The following ZNF383 variants were observed in gnomAD, a reference collection of about 807,000 sequenced individuals.
ZNF383 encodes the protein zinc finger protein 383.
A neutral mutation model predicts 44.2 loss-of-function variants in ZNF383; 32 were observed. That is an observed-to-expected ratio of 0.72 (90% CI 0.55 to 0.97). ZNF383 has a LOEUF of 0.97. Ranked by LOEUF, ZNF383 falls within the 50% of genes least tolerant of loss-of-function variation. The pLI, the probability that ZNF383 is intolerant of heterozygous loss-of-function variation, is 0.00. For synonymous variants in ZNF383, 155 were observed against 186.2 expected, an observed-to-expected ratio of 0.83 and a Z score of 1.36; for missense variants, 487 against 562.5, an observed-to-expected ratio of 0.87 and a Z score of 1.36.
At chr19:37,236,857 C>T (rs573390523) in intron 5 of ZNF383, among the ~76,000 whole-genome samples, 5 of 151,994 alleles carry the variant, frequency 3.3e-5, no homozygotes, top group South Asian at 2.1e-4. Context: ...CATGAGCCAC[C>T]GCGTCCGGCC....
intron 2 of ZNF383, among the ~76,000 whole-genome samples, chr19:37,226,845 A>G (rs1437967358): frequency 6.6e-6 from 1 of 152,188 alleles, no homozygotes; most frequent in African/African-American, 2.4e-5. Context: ...TTTGAGATGT[A>G]GTCTTGCTCT....
chr19:37,230,593 T>G (rs1272015061), intron 3 of ZNF383, 131 bp downstream of exon 3: 1 of 948,216 alleles, frequency 1.1e-6, no homozygotes, highest in East Asian at 2.6e-5. Context: ...TCCCCATTTT[T>G]TCTTAGCTAG....
chr19:37,237,529 T>G (rs1469720837), intron 5 of ZNF383, among the ~76,000 whole-genome samples: 1 of 152,204 alleles, frequency 6.6e-6, no homozygotes, highest in Non-Finnish European at 1.5e-5. Flanking sequence ...CATGAAGGCA[T>G]TCTAAAGTTC....
chr19:37,234,423 C>G (rs1400690250), intron 3 of ZNF383, among the ~76,000 whole-genome samples: 1 of 151,674 alleles, frequency 6.6e-6, no homozygotes, highest in Non-Finnish European at 1.5e-5. Flanking sequence ...GAGTCTTGCT[C>G]TGTTGCCCAG....
Position 37,244,739 on chromosome 19 carries a change from C to T in ZNF383, c.*1075C>T, listed in dbSNP as rs1161246488. On this transcript the variant is annotated 3_prime_UTR_variant, in exon 6 of 6. Transcript: ENST00000684119. ...GCCAAAATCACAAAGCAAAAAATTA[C>T]AAACTAAAAAGCCAAAATTAATTGT... The T allele has an allele frequency of 6.6e-6, 1 of 152,054 alleles. No individual in the cohort carries two copies. The highest frequency in any genetic ancestry group is 6.6e-5 in the Admixed American group (1 of 15,262). The allele number at this position is 152,054 out of a possible 1,614,324, so 9.4% of individuals were successfully genotyped here. A position where few individuals can be genotyped will look rare whatever the true frequency, so the allele number is the denominator to read the frequency against.
In ZNF383 at chr19:37,242,919, G is replaced by A; in HGVS notation, c.683G>A (p.Cys228Tyr). The change falls in exon 6 of 6, where the codon TGT becomes TAT. Residue 228 changes from cysteine to tyrosine, a missense_variant. By Grantham distance (194) the Cys-to-Tyr change is radical. Coordinates refer to ENST00000684119, the MANE Select transcript of ZNF383 (RefSeq NM_001387601.1). ...CATACTGGCGAAAAACCCTTTGAATGTAAGGAATGTGGAAAGGCCTTCAGT... is the reference window on the plus strand; with the variant it reads ...CATACTGGCGAAAAACCCTTTGAATATAAGGAATGTGGAAAGGCCTTCAGT... ...KIHTGEKPFE[C>Y]KECGKAFSCS... 6.2e-7 allele frequency: 1 copy of A among 1,614,126 alleles called. No homozygotes were observed. Among genetic ancestry groups the A allele is most frequent in the African/African-American group, 1.3e-5 (1 of 75,028 alleles).
At chr19:37,221,601 A>G (rs528986735) in intron 1 of ZNF383, among the ~76,000 whole-genome samples, 5 of 152,040 alleles carry the variant, frequency 3.3e-5, no homozygotes, top group African/African-American at 9.6e-5. Flanking sequence ...TATATACCAT[A>G]CATTCTGAAA....
intron 5 of ZNF383, among the ~76,000 whole-genome samples, chr19:37,236,641 T>C (rs1399156801): frequency 1.3e-5 from 2 of 150,988 alleles, no homozygotes; most frequent in East Asian, 2.0e-4. Context: ...GCGATCTTGG[T>C]TCACTGCAAC....
At chr19:37,229,802 A>ATTTT (rs66525453) in intron 2 of ZNF383, among the ~76,000 whole-genome samples, 1 of 125,350 alleles carries the variant, frequency 8.0e-6, no homozygotes, top group African/African-American at 3.2e-5. Context: ...ATATATATAT[A>ATTTT]TTTTTTTTTT....
In ZNF383 at chr19:37,247,642, T is replaced by C. The variant is rs1445208257; in HGVS notation, c.*3978T>C. ...GAGTTCAAGACCAGTCTAGGTAACA[T>C]AATGAGATCCCCCTCCCCTCATCTC... On this transcript the variant is annotated 3_prime_UTR_variant, in exon 6 of 6. Transcript: ENST00000684119. 1 of 148,146 alleles carries C rather than the reference T, an allele frequency of 6.8e-6. No homozygotes were observed. Among genetic ancestry groups the C allele is most frequent in the African/African-American group, 2.5e-5 (1 of 40,196 alleles). 9.2% of individuals were successfully genotyped at this position (148,146 alleles called of 1,614,324 possible). A position where few individuals can be genotyped will look rare whatever the true frequency, so the allele number is the denominator to read the frequency against.
At chr19:37,228,197 G>A (rs1195176444) in intron 2 of ZNF383, among the ~76,000 whole-genome samples, 1 of 152,196 alleles carries the variant, frequency 6.6e-6, no homozygotes, top group East Asian at 1.9e-4. Context: ...AGGTACTGGC[G>A]TTACCGGTAG....
chr19:37,230,606 A>C, intron 3 of ZNF383, 144 bp downstream of exon 3: 1 of 786,060 alleles, frequency 1.3e-6, no homozygotes, highest in Non-Finnish European at 2.1e-6. Context: ...TTAGCTAGAT[A>C]ATCCTATACC....
intron 5 of ZNF383, among the ~76,000 whole-genome samples, chr19:37,240,745 G>T (rs954196113): frequency 9.2e-5 from 14 of 152,124 alleles, no homozygotes; most frequent in African/African-American, 3.1e-4. Flanking sequence ...CATCAAATTA[G>T]TTCAATACAT....
In ZNF383 at chr19:37,238,942, C is replaced by T. The variant is rs146945874; in HGVS notation, c.232+2868C>T. Among the ~76,000 whole-genome samples the T allele has an allele frequency of 3.3e-5, 5 of 152,220 alleles. No homozygotes were observed. In the East Asian group the frequency reaches 5.8e-4, roughly 18 times the overall value. ...TACATCTTTTTGGTTTTTTTTGAGACGGAGTCTCACTCTGTCACCCAGGCT... is the reference window on the plus strand; with the variant it reads ...TACATCTTTTTGGTTTTTTTTGAGATGGAGTCTCACTCTGTCACCCAGGCT... On this transcript the variant is annotated intron_variant, in intron 5 of 5. Transcript: ENST00000684119.
chr19:37,240,174 T>G (rs1367729187), intron 5 of ZNF383, among the ~76,000 whole-genome samples: 1 of 151,352 alleles, frequency 6.6e-6, no homozygotes, highest in Non-Finnish European at 1.5e-5. Context: ...AAAAAAAAAG[T>G]TATTGCAAGA....
In ZNF383 at chr19:37,245,168, G is replaced by C. The variant is rs187657538; in HGVS notation, c.*1504G>C. ...CATGTACCTGTAATCCCAGCTACTC[G>C]GGAGGCTGAGACAGGAGAATTGCTT... On this transcript the variant is annotated 3_prime_UTR_variant, in exon 6 of 6. Transcript: ENST00000684119. The C allele has an allele frequency of 1.3e-5, 2 of 152,014 alleles. No individual in the cohort carries two copies. Among genetic ancestry groups the C allele is most frequent in the South Asian group, 2.1e-4 (1 of 4,808 alleles). 9.4% of individuals were successfully genotyped at this position (152,014 alleles called of 1,614,324 possible). A position where few individuals can be genotyped will look rare whatever the true frequency, so the allele number is the denominator to read the frequency against.
chr19:37,219,470 G>C (rs1028814154), intron 1 of ZNF383: 6 of 152,324 alleles, frequency 3.9e-5, no homozygotes, highest in Non-Finnish European at 7.3e-5. Context: ...GGTCAGGCTG[G>C]TCTCGACCTC....
intron 3 of ZNF383, among the ~76,000 whole-genome samples, chr19:37,231,691 T>C (rs1422244479): frequency 2.6e-5 from 4 of 152,188 alleles, no homozygotes; most frequent in Non-Finnish European, 5.9e-5. Flanking sequence ...AAACTGATTA[T>C]AGTTGTGTTA....
Position 37,247,635 on chromosome 19 carries a change from G to C in ZNF383, c.*3971G>C, listed in dbSNP as rs1386988899. 1 of 150,608 alleles carries C rather than the reference G, an allele frequency of 6.6e-6. No individual in the cohort carries two copies. The highest frequency in any genetic ancestry group is 2.5e-5 in the African/African-American group (1 of 40,814). 9.3% of individuals were successfully genotyped at this position (150,608 alleles called of 1,614,324 possible). A position where few individuals can be genotyped will look rare whatever the true frequency, so the allele number is the denominator to read the frequency against. ...AGGCCAGGAGTTCAAGACCAGTCTA[G>C]GTAACATAATGAGATCCCCCTCCCC... On this transcript the variant is annotated 3_prime_UTR_variant, in exon 6 of 6. Coordinates refer to ENST00000684119, the MANE Select transcript of ZNF383 (RefSeq NM_001387601.1).
Sources: gnomAD v4.1 joint callset for allele counts (sites outside exome capture counted in the v4.1 genomes callset) on GRCh38, gnomAD v4.1.1 for gene constraint, MANE v1.5 for transcripts, NCBI Gene and HGNC (gene_info 2026-07-23, HGNC 2026-07-21) for gene names.